C1QTNF7: variants seen among roughly 807,000 people sequenced by gnomAD.
The protein encoded by C1QTNF7 is C1q and TNF related 7, also known as complement C1q tumor necrosis factor-related protein 7.
A neutral mutation model predicts 19.6 loss-of-function variants in C1QTNF7; 15 were observed. That is an observed-to-expected ratio of 0.76 (90% confidence interval 0.51 to 1.18). The LOEUF (loss-of-function observed/expected upper bound fraction) is 1.18. C1QTNF7 is among the 50% of genes most tolerant of loss of function. The pLI is 0.00. For missense variants in C1QTNF7, 324 were observed against 359.7 expected (o/e 0.90, Z 0.80); for synonymous variants, 142 against 137.5 (o/e 1.03, Z -0.23).
chr4:15,408,563 A>C (rs886536563), intron 1 of C1QTNF7, among the ~76,000 whole-genome samples: 29 of 152,106 alleles, frequency 1.9e-4, no homozygotes, highest in African/African-American at 7.0e-4. Flanking sequence ...TGTACAGATA[A>C]GAAGAAGCTG....
At chr4:15,369,675 G>A (rs1464088553) in intron 1 of C1QTNF7, among the ~76,000 whole-genome samples, 1 of 152,252 alleles carries the variant, frequency 6.6e-6, no homozygotes, top group African/African-American at 2.4e-5. Context: ...AATCTTTTGT[G>A]GTAACTTACA....
intron 1 of C1QTNF7, among the ~76,000 whole-genome samples, chr4:15,428,755 A>G (rs147865615): frequency 1.8e-4 from 27 of 152,308 alleles, no homozygotes; most frequent in Middle Eastern, 3.4e-3. Context: ...TCCTGTCCCA[A>G]TCACAGTGCC....
intron 1 of C1QTNF7, among the ~76,000 whole-genome samples, chr4:15,417,723 C>G (rs1234952800): frequency 1.3e-5 from 2 of 152,070 alleles, no homozygotes; most frequent in African/African-American, 2.4e-5. Context: ...AGAAAGGCCC[C>G]ATCTCAAAAA....
intron 1 of C1QTNF7, among the ~76,000 whole-genome samples, chr4:15,365,168 T>C (rs907762466): frequency 1.6e-4 from 24 of 152,206 alleles, no homozygotes; most frequent in Middle Eastern, 3.4e-3. Context: ...TGTTCATACA[T>C]AAAGGTATGA....
At chr4:15,340,177 G>A (rs1359110393) in exon 1 of C1QTNF7, 4 of 1,551,470 alleles carry the variant, frequency 2.6e-6, no homozygotes, top group African/African-American at 2.7e-5. Context: ...TGTTTTGGGG[G>A]AAAGTTTGAT....
chr4:15,346,754 G>A (rs2109282525), intron 1 of C1QTNF7, among the ~76,000 whole-genome samples: 1 of 152,200 alleles, frequency 6.6e-6, no homozygotes, highest in South Asian at 2.1e-4. Flanking sequence ...ATCATTATTA[G>A]CATTCCCTCC....
chr4:15,413,406 G>C (rs1577267410), intron 1 of C1QTNF7, among the ~76,000 whole-genome samples: 1 of 152,150 alleles, frequency 6.6e-6, no homozygotes, highest in Non-Finnish European at 1.5e-5. Flanking sequence ...GGAGATAATC[G>C]AGGGGAATAA....
chr4:15,340,260 T>G lies in C1QTNF7; in HGVS notation c.13+53T>G. On this transcript the variant is annotated intron_variant, in intron 1 of 2. Transcript: ENST00000295297. ...TCTCTTTTTCCCTCCTATTCGGCCT[T>G]CATCAAAATATTTCCTGGGAGAACT... 1.9e-6 allele frequency: 3 copies of G among 1,541,116 alleles called. No homozygotes were observed. The South Asian group carries it at 3.6e-5, about 19-fold the overall frequency.
chr4:15,430,621 C>A (rs1712258979), intron 1 of C1QTNF7, among the ~76,000 whole-genome samples: 1 of 152,082 alleles, frequency 6.6e-6, no homozygotes. Flanking sequence ...TTATGGTGTG[C>A]AAATTATATC....
At chr4:15,409,394 G>A (rs531632786) in intron 1 of C1QTNF7, among the ~76,000 whole-genome samples, 55 of 152,234 alleles carry the variant, frequency 3.6e-4, no homozygotes, top group Non-Finnish European at 6.6e-4. Flanking sequence ...CTTGCGAATG[G>A]GCCTCTGTAT....
rs559382067 is a variant in C1QTNF7, at chr4:15,400,621, C to T, written c.14-35115C>T. Among the ~76,000 whole-genome samples, 53 of 152,326 alleles carry T rather than the reference C, an allele frequency of 3.5e-4. 4 individuals are homozygous for T. In the South Asian group the frequency reaches 0.011, roughly 31 times the overall value. On this transcript the variant is annotated intron_variant, in intron 1 of 2. Transcript: ENST00000295297. ...ATGAACGGTCTGCTCTGATCCATACCTTCCAGCCAGACCTCATGACCTTCT... is the reference window on the plus strand; with the variant it reads ...ATGAACGGTCTGCTCTGATCCATACTTTCCAGCCAGACCTCATGACCTTCT...
In C1QTNF7 at chr4:15,420,220, G is replaced by A. The variant is rs957832944; in HGVS notation, c.14-15516G>A. ...GTGCCTTGTTCTCTCTCAATGCCAG[G>A]CTTTCACTGAAACCATTAGCTCTCC... On this transcript the variant is annotated intron_variant, in intron 1 of 2. Transcript: ENST00000295297. Among the ~76,000 whole-genome samples, 4 of 152,222 alleles carry A rather than the reference G, an allele frequency of 2.6e-5. No homozygotes were observed. The South Asian group carries it at 6.2e-4, about 24-fold the overall frequency.
At chr4:15,440,406 C>CTT (rs58931762) in intron 2 of C1QTNF7, among the ~76,000 whole-genome samples, 1,615 of 136,628 alleles carry the variant, frequency 0.012, 42 homozygotes, top group African/African-American at 0.042. Flanking sequence ...ACAGAAGCAA[C>CTT]TTTTTTTTTT....
intron 1 of C1QTNF7, among the ~76,000 whole-genome samples, chr4:15,409,691 G>A (rs542027981): frequency 5.3e-5 from 8 of 152,208 alleles, no homozygotes; most frequent in African/African-American, 1.4e-4. Flanking sequence ...TGTGGAGTCC[G>A]ACGGCCCAGG....
At chr4:15,400,703 A>G (rs1718955126) in intron 1 of C1QTNF7, among the ~76,000 whole-genome samples, 1 of 152,230 alleles carries the variant, frequency 6.6e-6, no homozygotes, top group Non-Finnish European at 1.5e-5. Context: ...CTTGCCCTGT[A>G]TTAATCAAAG....
At chr4:15,413,163 T>C (rs1434062853) in intron 1 of C1QTNF7, among the ~76,000 whole-genome samples, 1 of 152,238 alleles carries the variant, frequency 6.6e-6, no homozygotes, top group African/African-American at 2.4e-5. Flanking sequence ...GGATTGATAG[T>C]TACAGAGGCA....
chr4:15,412,963 G>A (rs1379682127), intron 1 of C1QTNF7, among the ~76,000 whole-genome samples: 2 of 152,156 alleles, frequency 1.3e-5, no homozygotes, highest in Non-Finnish European at 2.9e-5. Context: ...ACCAGCACTG[G>A]CAGTGTGCAG....
upstream of C1QTNF7, chr4:15,427,725 T>G (rs1676213246): frequency 6.6e-6 from 1 of 152,188 alleles, no homozygotes; most frequent in South Asian, 2.1e-4. Context: ...ATTTTTTTCC[T>G]GAAACATTCA....
In C1QTNF7 at chr4:15,442,692, A is replaced by C; in HGVS notation, c.763A>C (p.Asn255His). ...VWLEIFFTDQ[N>H]GLFSDPGWAD... ...GCTGGAGATTTTCTTCACAGACCAG[A>C]ATGGCCTCTTCTCAGACCCAGGTTG... The change falls in exon 3 of 3, where the codon AAT (asparagine) becomes CAT (histidine). Residue 255 changes from asparagine (N) to histidine (H), a missense_variant. Physicochemically the swap from Asn to His is moderately conservative, Grantham distance 68. Coordinates refer to ENST00000444304, the MANE Select transcript of C1QTNF7 (RefSeq NM_031911.5). The C allele has an allele frequency of 1.2e-6, 2 of 1,614,142 alleles. No individual in the cohort carries two copies. The highest frequency in any genetic ancestry group is 1.7e-6 in the Non-Finnish European group (2 of 1,180,024).
Sources: gnomAD v4.1 joint callset for allele counts (sites outside exome capture counted in the v4.1 genomes callset) on GRCh38, gnomAD v4.1.1 for gene constraint, MANE v1.5 for transcripts, NCBI Gene and HGNC (gene_info 2026-07-23, HGNC 2026-07-21) for gene names.